Variants in SLC4A5 observed in about 807,000 individuals in gnomAD.
SLC4A5 encodes electrogenic sodium bicarbonate cotransporter 4.
SLC4A5 carries 96 observed loss-of-function variants against 120.4 expected under a neutral mutation model. That is an observed-to-expected ratio of 0.80 (90% CI 0.68 to 0.94). The LOEUF is 0.94. Ranked by LOEUF, SLC4A5 falls within the 40% of genes least tolerant of loss-of-function variation. SLC4A5 has a pLI of 0.00. For synonymous variants in SLC4A5, 550 were observed against 571.1 expected (o/e 0.96, Z 0.53); for missense variants, 1,259 against 1,459.5 (o/e 0.86, Z 2.24).
chr2:74,240,454 T>A (rs773078132), intron 20 of SLC4A5, among the ~76,000 whole-genome samples: 8 of 152,198 alleles, frequency 5.3e-5, no homozygotes, highest in Non-Finnish European at 1.0e-4. Context: ...AGGTTCTGTG[T>A]TGGTTTCTTA....
chr2:74,264,158 A>AAGTCATTGGGAAG lies in SLC4A5; in HGVS notation c.703_704insCTTCCCAATGACT (p.Val235AlafsTer4). The stretch of plus-strand genomic sequence containing the variant: ...AAGGCCTGACTCACTTGTGGTGGAG[A>AAGTCATTGGGAAG]CTGACTTCCCAATGTCAGCTAAGGA... On this transcript the variant is annotated stop_gained and frameshift_variant, in exon 10 of 31. Coordinates refer to ENST00000394019, the Ensembl canonical transcript of SLC4A5. LOFTEE classifies it high-confidence loss of function. 1.2e-6 allele frequency: 2 copies of AAGTCATTGGGAAG among 1,613,726 alleles called. No homozygotes were observed. The highest frequency in any genetic ancestry group is 3.4e-4 in the Middle Eastern group (2 of 5,962).
intron 8 of SLC4A5, among the ~76,000 whole-genome samples, chr2:74,270,463 G>A (rs562362486): frequency 1.3e-5 from 2 of 152,318 alleles, no homozygotes; most frequent in Non-Finnish European, 2.9e-5. Context: ...CACGAGGTCA[G>A]GAGATCGAGA....
At chr2:74,261,777 G>A (rs2104032565) in intron 11 of SLC4A5, among the ~76,000 whole-genome samples, 1 of 152,300 alleles carries the variant, frequency 6.6e-6, no homozygotes, top group Admixed American at 6.5e-5. Flanking sequence ...AAAGGACCTT[G>A]CCTGTTTTTG....
At chr2:74,294,823 C>T (rs1672279148) in intron 7 of SLC4A5, among the ~76,000 whole-genome samples, 1 of 152,060 alleles carries the variant, frequency 6.6e-6, no homozygotes, top group Non-Finnish European at 1.5e-5. Flanking sequence ...AGGTGTCTGC[C>T]ACCACGCCCG....
chr2:74,328,953 G>T (rs1573109393), intron 4 of SLC4A5, among the ~76,000 whole-genome samples: 1 of 152,144 alleles, frequency 6.6e-6, no homozygotes, highest in African/African-American at 2.4e-5. Flanking sequence ...GAGATCAGGT[G>T]ACACCAAAAG....
In SLC4A5 at chr2:74,255,838, G is replaced by A. The variant is rs773930813; in HGVS notation, c.962C>T (p.Ala321Val). Reference sequence around the variant, plus strand: ...GGCCGACTGGATGAGGCGCACGAACGCGATGAATGGCTGGTCTAGGAAGTC... The same window carrying A: ...GGCCGACTGGATGAGGCGCACGAACACGATGAATGGCTGGTCTAGGAAGTC... Residue 321 changes from alanine to valine, a missense_variant, in exon 13 of 31, where the codon GCG becomes GTG. By Grantham distance (64) the Ala-to-Val change is moderately conservative. Coordinates refer to ENST00000394019, the Ensembl canonical transcript of SLC4A5. The surrounding 1 kb of genome is among the most constrained non-coding windows in gnomAD (Gnocchi z 4.0). 1.7e-5 allele frequency: 28 copies of A among 1,614,038 alleles called. No homozygotes were observed. The highest frequency in any genetic ancestry group is 2.4e-5 in the Non-Finnish European group (28 of 1,180,032).
chr2:74,248,232 T>A lies in SLC4A5; in HGVS notation c.1787+121A>T, dbSNP rs116819745. On this transcript the variant is annotated intron_variant, in intron 18 of 30. Coordinates refer to ENST00000394019, the Ensembl canonical transcript of SLC4A5. ...GCCACCTGGTAGCCCTTCCCATAGT[T>A]AAAGATGGCTTTGGCACCACCGCAC... 959 of 1,359,536 alleles carry A rather than the reference T, an allele frequency of 7.1e-4. 3 individuals carry two copies. In the African/African-American group the frequency reaches 0.013, roughly 18 times the overall value. 84.2% of individuals were successfully genotyped at this position (1,359,536 alleles called of 1,614,324 possible). A position where few individuals can be genotyped will look rare whatever the true frequency, so the allele number is the denominator to read the frequency against.
chr2:74,276,451 C>T lies in SLC4A5; in HGVS notation c.401+9322G>A, dbSNP rs554279770. On this transcript the variant is annotated intron_variant, in intron 8 of 30. Transcript: ENST00000394019. ...TCAGAAGTTAGAGCTTCCACCTTTC[C>T]GCTGCTCTAGGGATTGATGTAGTGC... is the stretch of plus-strand genomic sequence containing the variant. Among the ~76,000 whole-genome samples the T allele has an allele frequency of 6.6e-5, 10 of 152,312 alleles. No individual in the cohort carries two copies. In the East Asian group the frequency reaches 1.5e-3, roughly 24 times the overall value.
At chr2:74,282,970 C>T (rs1467649962) in intron 8 of SLC4A5, among the ~76,000 whole-genome samples, 2 of 152,188 alleles carry the variant, frequency 1.3e-5, no homozygotes, top group African/African-American at 4.8e-5. Context: ...GACATAATAA[C>T]CCAGGGTGGG....
intron 29 of SLC4A5, 147 bp downstream of exon 29, chr2:74,222,721 A>G: frequency 1.4e-6 from 1 of 707,578 alleles, no homozygotes; most frequent in East Asian, 2.7e-5. Flanking sequence ...TCTTGCACAA[A>G]ACTTGTCCCT....
chr2:74,297,509 T>G (rs376853099), intron 7 of SLC4A5, among the ~76,000 whole-genome samples: 41 of 152,342 alleles, frequency 2.7e-4, no homozygotes, highest in Non-Finnish European at 4.7e-4. Flanking sequence ...CACACCCCAG[T>G]TGGGCTTGAC....
intron 4 of SLC4A5, among the ~76,000 whole-genome samples, chr2:74,331,239 T>C (rs2104341881): frequency 6.6e-6 from 1 of 150,642 alleles, no homozygotes; most frequent in East Asian, 2.0e-4. Flanking sequence ...GGTGGTGAGG[T>C]CTAGATGGTG....
chr2:74,307,165 G>A (rs1672669380), intron 6 of SLC4A5: 3 of 560,408 alleles, frequency 5.4e-6, no homozygotes, highest in Admixed American at 2.2e-5. Context: ...TTGGCAGACT[G>A]CATGGTGACC....
rs769159779 is a variant in SLC4A5 at position 74,222,937 on chromosome 2, G to A, written c.3262C>T (p.Pro1088Ser). ...TCCATGGGAATCTTTATAACCGAGG[G>A]AGGAGGGAACTGGGGCTGGAGAAAA... The change falls in exon 29 of 31, where the codon CCC becomes TCC. Residue 1088 changes from proline (P) to serine (S), a missense_variant. Pro to Ser is a moderately conservative substitution (Grantham distance 74). Transcript: ENST00000394019. The A allele has an allele frequency of 2.5e-6, 4 of 1,612,098 alleles. No individual in the cohort carries two copies. In the Admixed American group the frequency reaches 6.7e-5, roughly 27 times the overall value.
At chr2:74,219,213 G>GTT (rs1177892233) in intron 30 of SLC4A5, among the ~76,000 whole-genome samples, 34 of 107,768 alleles carry the variant, frequency 3.2e-4, no homozygotes, top group Non-Finnish European at 5.0e-4. Context: ...GTGTGTGTGT[G>GTT]TGTGTGTTTG....
At chr2:74,258,028 C>G (rs1178843252) in intron 12 of SLC4A5, among the ~76,000 whole-genome samples, 2 of 152,204 alleles carry the variant, frequency 1.3e-5, no homozygotes, top group Admixed American at 1.3e-4. Context: ...CTGGCTTGCC[C>G]AAAGCCTGGA....
chr2:74,232,780 G>T, intron 23 of SLC4A5, 133 bp from the exon 24 acceptor site: 1 of 1,119,896 alleles, frequency 8.9e-7, no homozygotes, highest in Non-Finnish European at 1.3e-6. Flanking sequence ...GGTGCTCCTT[G>T]CAAGGATTGC....
At chr2:74,240,544 C>A (rs767909664) in intron 20 of SLC4A5, among the ~76,000 whole-genome samples, 15 of 152,002 alleles carry the variant, frequency 9.9e-5, no homozygotes, top group Non-Finnish European at 2.2e-4. Flanking sequence ...TGATTCTGTT[C>A]TTTCTCTCTC....
chr2:74,285,780 A>T (rs1161421790), exon 8 of SLC4A5: 1 of 1,609,922 alleles, frequency 6.2e-7, no homozygotes, highest in East Asian at 2.2e-5. Context: ...CACCTGGCTG[A>T]CTCCTTCCAC....
Sources: gnomAD v4.1 joint callset for allele counts (sites outside exome capture counted in the v4.1 genomes callset) on GRCh38, gnomAD v4.1.1 for gene constraint, Gnocchi (gnomAD v3.1) non-coding constraint, MANE v1.5 for transcripts, NCBI Gene and HGNC (gene_info 2026-07-23, HGNC 2026-07-21) for gene names.